Variants in HNRNPLL observed in about 807,000 individuals in gnomAD.
HNRNPLL encodes the protein heterogeneous nuclear ribonucleoprotein L like.
In HNRNPLL, 25 loss-of-function variants were observed where a neutral mutation model predicts 67.1. That is an observed-to-expected ratio of 0.37 (90% CI 0.27 to 0.52). HNRNPLL has a LOEUF of 0.52. HNRNPLL is among the 20% of genes least tolerant of loss of function. The pLI is 0.90. For synonymous variants in HNRNPLL, 267 were observed against 241.7 expected (o/e 1.10, Z -0.97); for missense variants, 542 against 673.9 (o/e 0.80, Z 2.17).
rs1308195259 is a variant in HNRNPLL, at chr2:38,570,427, AT to A, written c.1093-503del. ...AGTAAACAAATAGTAAGTACAAACT[AT>A]GTAGAATTCTGTTAATGCAGTAAAC... On this transcript the variant is annotated intron_variant, in intron 8 of 12. Transcript: ENST00000449105. Among the ~76,000 whole-genome samples, 6 of 152,338 alleles carry A rather than the reference AT, an allele frequency of 3.9e-5. No individual in the cohort carries two copies. The East Asian group carries it at 1.2e-3, about 29-fold the overall frequency.
At chr2:38,587,717 CTAA>C (rs1358835975) in intron 2 of HNRNPLL, among the ~76,000 whole-genome samples, 2 of 152,152 alleles carry the variant, frequency 1.3e-5, no homozygotes, top group East Asian at 3.8e-4. Context: ...TGTTATTACG[CTAA>C]TAATGCCATA....
intron 2 of HNRNPLL, among the ~76,000 whole-genome samples, chr2:38,587,072 G>A (rs1339179259): frequency 6.6e-6 from 1 of 152,150 alleles, no homozygotes. Context: ...AGTGGTTTTC[G>A]TAATAGCAGA....
intron 2 of HNRNPLL, among the ~76,000 whole-genome samples, chr2:38,590,755 C>A (rs1032214925): frequency 6.6e-6 from 1 of 152,040 alleles, no homozygotes; most frequent in Non-Finnish European, 1.5e-5. Flanking sequence ...GCCTATAATC[C>A]CAGCACTTCT....
intron 12 of HNRNPLL, among the ~76,000 whole-genome samples, chr2:38,566,478 T>C (rs371658571): frequency 1.6e-4 from 24 of 150,262 alleles, no homozygotes; most frequent in African/African-American, 5.6e-4. Flanking sequence ...AACAACCAAA[T>C]ACCATTTTTC....
intron 2 of HNRNPLL, among the ~76,000 whole-genome samples, chr2:38,586,102 A>C (rs1340345105): frequency 6.6e-6 from 1 of 151,886 alleles, no homozygotes; most frequent in African/African-American, 2.4e-5. Flanking sequence ...GCTCACTGCA[A>C]GCTCCGCCTC....
Position 38,577,508 on chromosome 2 carries a change from T to C in HNRNPLL, c.827A>G (p.Gln276Arg). ...AGAAGGGTGTTCTCCCAAAATGGCT[T>C]GTCTCTGGCGACCCTTTCCTCTATC... is the stretch of plus-strand genomic sequence containing the variant. ...RRDRGKGRQR[Q>R]AILGEHPSSF... is the part of the protein sequence containing the mutation. Residue 276 changes from glutamine to arginine, a missense_variant, in exon 7 of 13, where the codon CAA (glutamine) becomes CGA (arginine). Gln to Arg is a conservative substitution (Grantham distance 43). Coordinates refer to ENST00000449105, the MANE Select transcript of HNRNPLL (RefSeq NM_138394.4). 1 of 1,610,330 alleles carries C rather than the reference T, an allele frequency of 6.2e-7. No individual in the cohort carries two copies. Among genetic ancestry groups the C allele is most frequent in the Non-Finnish European group, 8.5e-7 (1 of 1,176,794 alleles).
rs868298631 is a variant in HNRNPLL, at chr2:38,562,988, A to G, written c.*1194T>C. 6.6e-5 allele frequency: 10 copies of G among 152,154 alleles called. No homozygotes were observed. The South Asian group carries it at 8.3e-4, about 13-fold the overall frequency. The allele number at this position is 152,154 out of a possible 1,614,324, so 9.4% of individuals were successfully genotyped here. A position where few individuals can be genotyped will look rare whatever the true frequency, so the allele number is the denominator to read the frequency against. On this transcript the variant is annotated 3_prime_UTR_variant, in exon 13 of 13. Transcript: ENST00000449105. ...ACTGATATTGTCAACTACTGATATC[A>G]GTTATTCTAGGTAGATGACACATAT...
intron 6 of HNRNPLL, among the ~76,000 whole-genome samples, chr2:38,578,343 C>G (rs1029944136): frequency 1.3e-5 from 2 of 151,968 alleles, no homozygotes; most frequent in African/African-American, 4.8e-5. Flanking sequence ...TTATAAGTTT[C>G]TAAAATAGCA....
chr2:38,598,775 T>C (rs769506125), intron 1 of HNRNPLL, among the ~76,000 whole-genome samples: 12 of 152,206 alleles, frequency 7.9e-5, no homozygotes, highest in Non-Finnish European at 1.5e-4. Flanking sequence ...CATACTAACA[T>C]GAAGAAACAG....
intron 7 of HNRNPLL, among the ~76,000 whole-genome samples, chr2:38,576,983 C>T (rs1375204961): frequency 1.3e-5 from 2 of 151,768 alleles, no homozygotes; most frequent in Non-Finnish European, 3.0e-5. Flanking sequence ...GGGGAATAAA[C>T]ATGAACAAAT....
chr2:38,564,497 G>A (rs1463505385), intron 12 of HNRNPLL, among the ~76,000 whole-genome samples: 1 of 151,400 alleles, frequency 6.6e-6, no homozygotes, highest in African/African-American at 2.4e-5. Flanking sequence ...GTGCACGCCT[G>A]TAGTCCCAGC....
rs1019120618 is a variant in HNRNPLL, at chr2:38,602,821, G to C, written c.-195C>G. 1 of 1,546,812 alleles carries C rather than the reference G, an allele frequency of 6.5e-7. No homozygotes were observed. The highest frequency in any genetic ancestry group is 1.2e-5 in the South Asian group (1 of 83,702). On this transcript the variant is annotated 5_prime_UTR_variant, in exon 1 of 13. Coordinates refer to ENST00000449105, the MANE Select transcript of HNRNPLL (RefSeq NM_138394.4). ...CGGACGGACTGAGGGGGGCGCCCCG[G>C]GAGGAAGCTCTGGAGCGGCCGCTCC... is the stretch of plus-strand genomic sequence containing the variant.
At chr2:38,586,099 G>T (rs1045415874) in intron 2 of HNRNPLL, among the ~76,000 whole-genome samples, 3 of 151,528 alleles carry the variant, frequency 2.0e-5, no homozygotes, top group Non-Finnish European at 2.9e-5. Flanking sequence ...TAGGCTCACT[G>T]CAAGCTCCGC....
intron 1 of HNRNPLL, among the ~76,000 whole-genome samples, chr2:38,595,012 C>G (rs1667115211): frequency 6.6e-6 from 1 of 151,886 alleles, no homozygotes; most frequent in Non-Finnish European, 1.5e-5. Flanking sequence ...CGTGGTGGCT[C>G]ATGCCTGTAA....
rs930966901 is a variant in HNRNPLL at position 38,602,836 on chromosome 2, G to C, written c.-210C>G. The C allele has an allele frequency of 4.5e-6, 7 of 1,548,822 alleles. No individual in the cohort carries two copies. The highest frequency in any genetic ancestry group is 6.1e-6 in the Non-Finnish European group (7 of 1,146,222). ...GGGCGCCCCGGGAGGAAGCTCTGGA[G>C]CGGCCGCTCCTCTCAATTACCGAGC... is the stretch of plus-strand genomic sequence containing the variant. On this transcript the variant is annotated 5_prime_UTR_variant, in exon 1 of 13. Transcript: ENST00000449105.
intron 1 of HNRNPLL, among the ~76,000 whole-genome samples, chr2:38,600,985 C>G (rs965738206): frequency 6.6e-6 from 1 of 152,142 alleles, no homozygotes; most frequent in Non-Finnish European, 1.5e-5. Flanking sequence ...CATGATGCTG[C>G]ACAAAAACCC....
chr2:38,565,942 G>A (rs1386019961), intron 12 of HNRNPLL: 5 of 785,134 alleles, frequency 6.4e-6, no homozygotes, highest in Non-Finnish European at 4.6e-6. Flanking sequence ...AATTTCAGAT[G>A]TTATTCCAGC....
At chr2:38,600,292 CG>C (rs11337653) in intron 1 of HNRNPLL, among the ~76,000 whole-genome samples, 33,485 of 152,040 alleles carry the variant, frequency 0.22, 4,845 homozygotes, top group East Asian at 0.46. Context: ...CAGTTCCCGC[CG>C]GGGTAACTTA....
chr2:38,572,968 G>A (rs1167225062), intron 8 of HNRNPLL, among the ~76,000 whole-genome samples: 1 of 151,978 alleles, frequency 6.6e-6, no homozygotes, highest in East Asian at 1.9e-4. Context: ...GATTACTACT[G>A]ATTTAGACTT....
Sources: allele counts gnomAD v4.1 joint callset (sites outside exome capture counted in the v4.1 genomes callset), GRCh38; gene constraint gnomAD v4.1.1; transcripts MANE v1.5; gene names NCBI Gene and HGNC (gene_info 2026-07-23, HGNC 2026-07-21).